Variants in RARB observed in about 807,000 individuals in gnomAD.
RARB encodes the protein HBV-activated protein.
A neutral mutation model predicts 51.9 loss-of-function variants in RARB; 17 were observed. The observed-to-expected ratio is 0.33, with a 90% CI of 0.22 to 0.49. The LOEUF is 0.49. Among genes scored for constraint, RARB ranks in the 20% least tolerant of loss-of-function variants. RARB has a pLI of 0.99. For missense variants in RARB, 369 were observed against 550.8 expected (o/e 0.67, Z 3.30); for synonymous variants, 215 against 195.4 (o/e 1.10, Z -0.84).
chr3:25,147,647 G>C (rs1559482980), intron 4 of RARB, among the ~76,000 whole-genome samples: 1 of 152,078 alleles, frequency 6.6e-6, no homozygotes, highest in Non-Finnish European at 1.5e-5. Context: ...AATTATATAA[G>C]ACCTGACATT....
At chr3:25,122,164 G>T (rs1248518937) in intron 3 of RARB, among the ~76,000 whole-genome samples, 1 of 152,056 alleles carries the variant, frequency 6.6e-6, no homozygotes, top group Non-Finnish European at 1.5e-5. Flanking sequence ...GCATATCTTT[G>T]TGAAGCTGTT....
intron 3 of RARB, among the ~76,000 whole-genome samples, chr3:25,061,372 A>C (rs1361876360): frequency 6.6e-6 from 1 of 151,880 alleles, no homozygotes; most frequent in Non-Finnish European, 1.5e-5. Context: ...TATTATAATC[A>C]TATTTTTATT....
intron 2 of RARB, among the ~76,000 whole-genome samples, chr3:24,980,115 G>T (rs1696610585): frequency 6.6e-6 from 1 of 152,150 alleles, no homozygotes; most frequent in Non-Finnish European, 1.5e-5. Context: ...CGTCTTGTTT[G>T]TAGGGTTTCT....
chr3:24,951,620 G>T (rs35306981), intron 2 of RARB, among the ~76,000 whole-genome samples: 1 of 152,016 alleles, frequency 6.6e-6, no homozygotes, highest in Non-Finnish European at 1.5e-5. Context: ...AGGCTCTGGG[G>T]CCTGTCTCTG....
At chr3:25,496,230 C>A (rs1037894847) in intron 2 of RARB, among the ~76,000 whole-genome samples, 4 of 152,128 alleles carry the variant, frequency 2.6e-5, no homozygotes, top group African/African-American at 9.7e-5. Context: ...GGGTTCTGTC[C>A]CAGCCCTGAG....
intron 5 of RARB, among the ~76,000 whole-genome samples, chr3:25,583,128 T>A (rs1047402270): frequency 9.9e-5 from 15 of 152,080 alleles, no homozygotes; most frequent in African/African-American, 3.6e-4. Context: ...AGACCTCCAA[T>A]CATACCAGAC....
intron 2 of RARB, among the ~76,000 whole-genome samples, chr3:24,864,529 A>G (rs746208152): frequency 6.6e-6 from 1 of 152,078 alleles, no homozygotes; most frequent in Non-Finnish European, 1.5e-5. Flanking sequence ...CGAGTTCCAG[A>G]ACCAGGTGTT....
At chr3:24,849,158 A>G (rs1702523136) in intron 1 of RARB, among the ~76,000 whole-genome samples, 1 of 152,210 alleles carries the variant, frequency 6.6e-6, no homozygotes, top group Admixed American at 6.5e-5. Flanking sequence ...TTAATTTATA[A>G]ATTAAACACA....
intron 2 of RARB, among the ~76,000 whole-genome samples, chr3:24,885,272 T>A (rs1188987853): frequency 6.6e-6 from 1 of 152,104 alleles, no homozygotes; most frequent in Non-Finnish European, 1.5e-5. Flanking sequence ...GTAAGGAACC[T>A]TTAAGTGGCT....
chr3:25,103,312 T>C lies in RARB; in HGVS notation c.-327-28849T>C, dbSNP rs9882358. 4.7e-3 allele frequency among the ~76,000 whole-genome samples: 723 copies of C among 152,284 alleles called. 7 individuals carry two copies. The highest frequency in any genetic ancestry group is 0.017 in the African/African-American group (704 of 41,550). On this transcript the variant is annotated intron_variant, in intron 3 of 11. Coordinates refer to the RARB transcript ENST00000383772. The stretch of plus-strand genomic sequence containing the variant: ...TTCTTAAAACATTTCACAGGTGATA[T>C]GCACCGTTGTAAGTGACAGGAGAAA...
chr3:25,063,945 A>G (rs892059505), intron 3 of RARB, among the ~76,000 whole-genome samples: 11 of 152,224 alleles, frequency 7.2e-5, no homozygotes, highest in East Asian at 1.9e-4. Flanking sequence ...ACCAAATGCC[A>G]GATTCGAATG....
chr3:25,465,060 T>G (rs1161087187), intron 2 of RARB, among the ~76,000 whole-genome samples: 1 of 152,224 alleles, frequency 6.6e-6, no homozygotes, highest in Non-Finnish European at 1.5e-5. Flanking sequence ...AAAATTTTCC[T>G]TAGGATAAAT....
At chr3:25,059,382 G>A (rs1372395667) in intron 2 of RARB, among the ~76,000 whole-genome samples, 1 of 151,432 alleles carries the variant, frequency 6.6e-6, no homozygotes, top group Non-Finnish European at 1.5e-5. Flanking sequence ...ATATCCCCCA[G>A]AAAAAAACCA....
intron 5 of RARB, among the ~76,000 whole-genome samples, chr3:25,198,524 G>C (rs73054343): frequency 0.079 from 12,004 of 152,148 alleles, 639 homozygotes; most frequent in Non-Finnish European, 0.12. Flanking sequence ...CTATCCATCT[G>C]ACAAGAATTA....
chr3:24,927,501 A>G (rs1234693857), intron 2 of RARB, among the ~76,000 whole-genome samples: 1 of 152,096 alleles, frequency 6.6e-6, no homozygotes, highest in African/African-American at 2.4e-5. Context: ...TGAAAGCTCT[A>G]TGTGACATCT....
At chr3:25,596,293 A>G (rs1446858923) in intron 7 of RARB, 127 bp from the exon 8 acceptor site, 2 of 727,908 alleles carry the variant, frequency 2.7e-6, no homozygotes, top group Admixed American at 5.6e-5. Context: ...TGATATCTAC[A>G]TTTCATAATT....
At chr3:24,998,180 CTA>C in intron 2 of RARB, among the ~76,000 whole-genome samples, 1 of 151,738 alleles carries the variant, frequency 6.6e-6, no homozygotes, top group South Asian at 2.1e-4. Context: ...AACATGGACT[CTA>C]TTAGATTATT....
intron 1 of RARB, among the ~76,000 whole-genome samples, chr3:24,845,203 G>C (rs1320700225): frequency 6.6e-6 from 1 of 152,162 alleles, no homozygotes; most frequent in Non-Finnish European, 1.5e-5. Context: ...GCATAAAGCA[G>C]ATTTGTAGAT....
At chr3:25,290,957 C>G (rs1703771788) in intron 5 of RARB, among the ~76,000 whole-genome samples, 1 of 152,166 alleles carries the variant, frequency 6.6e-6, no homozygotes, top group Non-Finnish European at 1.5e-5. Flanking sequence ...CTCTCTGACC[C>G]TGAAGTTTTC....
Sources: gnomAD v4.1 joint callset for allele counts (sites outside exome capture counted in the v4.1 genomes callset) on GRCh38, gnomAD v4.1.1 for gene constraint, MANE v1.5 for transcripts, NCBI Gene and HGNC (gene_info 2026-07-23, HGNC 2026-07-21) for gene names.